KLHL1: variants seen among roughly 807,000 people sequenced by gnomAD.
KLHL1 encodes kelch-like protein 1.
A neutral mutation model predicts 77.7 loss-of-function variants in KLHL1; 47 were observed. The ratio of observed to expected loss-of-function variants is 0.60; its 90% CI spans 0.48 to 0.77. The LOEUF is 0.77. Ranked by LOEUF, KLHL1 falls within the 30% of genes least tolerant of loss-of-function variation. KLHL1 has a pLI of 0.00. For synonymous variants in KLHL1, 360 were observed against 325.2 expected (o/e 1.11, Z -1.15); for missense variants, 925 against 910.8 (o/e 1.02, Z -0.20).
chr13:69,748,789 G>C (rs929749295), intron 7 of KLHL1, among the ~76,000 whole-genome samples: 1 of 123,048 alleles, frequency 8.1e-6, no homozygotes, highest in African/African-American at 3.2e-5. Flanking sequence ...AGGATGGTCT[G>C]TCTTAGGGGT....
chr13:69,802,037 C>T (rs1351629321), intron 6 of KLHL1, among the ~76,000 whole-genome samples: 1 of 151,954 alleles, frequency 6.6e-6, no homozygotes, highest in Non-Finnish European at 1.5e-5. Context: ...CCCTGACAGG[C>T]CCTGGTGTCT....
Position 69,744,551 on chromosome 13 carries a change from G to A in KLHL1, c.1640-3995C>T, listed in dbSNP as rs1174709111. Among the ~76,000 whole-genome samples the A allele has an allele frequency of 2.0e-5, 3 of 150,852 alleles. No homozygotes were observed. In the East Asian group the frequency reaches 5.8e-4, roughly 29 times the overall value. On this transcript the variant is annotated intron_variant, in intron 7 of 10. Coordinates refer to ENST00000377844, the MANE Select transcript of KLHL1 (RefSeq NM_020866.3). The stretch of plus-strand genomic sequence containing the variant: ...TATTAAATTACATTGTATATGTAAT[G>A]TAAAACATGTAAGTGTTCAGTTTGA...
intron 5 of KLHL1, among the ~76,000 whole-genome samples, chr13:69,844,703 G>T (rs1879388996): frequency 6.6e-6 from 1 of 151,498 alleles, no homozygotes; most frequent in East Asian, 1.9e-4. Flanking sequence ...TTGCCAGTTT[G>T]TTATAAAATG....
At chr13:69,870,328 C>T (rs1880530445) in intron 5 of KLHL1, among the ~76,000 whole-genome samples, 1 of 152,064 alleles carries the variant, frequency 6.6e-6, no homozygotes, top group Non-Finnish European at 1.5e-5. Flanking sequence ...AGAGCAATAA[C>T]TCACTCATTA....
chr13:70,024,298 C>T (rs981349), intron 1 of KLHL1, among the ~76,000 whole-genome samples: 129,444 of 151,648 alleles, frequency 0.85, 55,604 homozygotes, highest in East Asian at 0.92. Context: ...TTCAAAGAAA[C>T]CTAGTAGTTT....
intron 1 of KLHL1, among the ~76,000 whole-genome samples, chr13:70,056,486 G>A (rs916822665): frequency 2.6e-5 from 4 of 151,962 alleles, no homozygotes; most frequent in Non-Finnish European, 5.9e-5. Context: ...TAGACCAAAT[G>A]GAACTAATGT....
chr13:70,033,565 C>A, intron 1 of KLHL1, among the ~76,000 whole-genome samples: 1 of 148,884 alleles, frequency 6.7e-6, no homozygotes, highest in East Asian at 2.0e-4. Flanking sequence ...CTTGGCCTCC[C>A]AAAGTGCTGG....
intron 1 of KLHL1, among the ~76,000 whole-genome samples, chr13:70,055,086 C>G (rs188199535): frequency 3.3e-5 from 5 of 152,118 alleles, no homozygotes; most frequent in African/African-American, 1.2e-4. Flanking sequence ...TATAGGACAT[C>G]AAGCAGACTT....
At chr13:69,895,604 G>A (rs1881604985) in intron 4 of KLHL1, among the ~76,000 whole-genome samples, 1 of 152,102 alleles carries the variant, frequency 6.6e-6, no homozygotes, top group African/African-American at 2.4e-5. Context: ...CAGGCAGAGT[G>A]TAGCTCAGGT....
intron 7 of KLHL1, among the ~76,000 whole-genome samples, chr13:69,790,822 G>A (rs1464420872): frequency 6.6e-6 from 1 of 152,104 alleles, no homozygotes; most frequent in Non-Finnish European, 1.5e-5. Context: ...GGCCGAGGCA[G>A]GTGGATCACC....
chr13:69,893,383 C>T (rs1034993341), intron 4 of KLHL1, among the ~76,000 whole-genome samples: 4 of 151,566 alleles, frequency 2.6e-5, no homozygotes, highest in Admixed American at 6.6e-5. Context: ...TACAGGCGCC[C>T]GCCACCGCGC....
intron 1 of KLHL1, among the ~76,000 whole-genome samples, chr13:70,008,607 C>A (rs1433991837): frequency 6.6e-6 from 1 of 151,992 alleles, no homozygotes; most frequent in African/African-American, 2.4e-5. Context: ...ATAGTTTTCC[C>A]ATCCATAATA....
intron 1 of KLHL1, among the ~76,000 whole-genome samples, chr13:70,099,684 T>A (rs1364101049): frequency 1.3e-5 from 2 of 152,116 alleles, no homozygotes; most frequent in African/African-American, 2.4e-5. Context: ...CACCATACAA[T>A]AAGCTTTTTG....
At chr13:70,064,671 G>A (rs546140457) in intron 1 of KLHL1, among the ~76,000 whole-genome samples, 62 of 152,184 alleles carry the variant, frequency 4.1e-4, no homozygotes, top group African/African-American at 1.5e-3. Context: ...ACGGTATCTG[G>A]TACAATACAT....
intron 1 of KLHL1, among the ~76,000 whole-genome samples, chr13:70,100,521 G>C (rs1029121807): frequency 1.3e-5 from 2 of 152,066 alleles, no homozygotes; most frequent in Non-Finnish European, 2.9e-5. Flanking sequence ...TTTTAGTAGA[G>C]ACGGGGTTTC....
At chr13:69,752,595 T>C (rs1360932374) in intron 7 of KLHL1, among the ~76,000 whole-genome samples, 1 of 152,162 alleles carries the variant, frequency 6.6e-6, no homozygotes, top group African/African-American at 2.4e-5. Context: ...AGCTAAGAGT[T>C]GTTTTCTTTT....
At chr13:69,951,713 A>T (rs77179814) in intron 3 of KLHL1, among the ~76,000 whole-genome samples, 1,528 of 151,462 alleles carry the variant, frequency 0.01, 29 homozygotes, top group African/African-American at 0.035. Context: ...GGTTTCCAAA[A>T]TATGCTTCAT....
chr13:69,917,822 C>A (rs1292880908), intron 4 of KLHL1, among the ~76,000 whole-genome samples: 2 of 152,032 alleles, frequency 1.3e-5, no homozygotes, highest in African/African-American at 2.4e-5. Context: ...CAATTAAATT[C>A]ATGGTGATAA....
chr13:70,075,744 T>C (rs1887253975), intron 1 of KLHL1, among the ~76,000 whole-genome samples: 1 of 96,746 alleles, frequency 1.0e-5, no homozygotes, highest in African/African-American at 3.7e-5. Flanking sequence ...TGTATATATA[T>C]ACACACATAC....
Sources: allele counts gnomAD v4.1 joint callset (sites outside exome capture counted in the v4.1 genomes callset), GRCh38; gene constraint gnomAD v4.1.1; transcripts MANE v1.5; gene names NCBI Gene and HGNC (gene_info 2026-07-23, HGNC 2026-07-21).